Variants in SHB observed in about 807,000 individuals in gnomAD.
SHB encodes the protein SH2 domain-containing adapter protein B.
In SHB, 20 loss-of-function variants were observed where a neutral mutation model predicts 52.3. The observed-to-expected ratio is 0.38, with a 90% CI of 0.27 to 0.56. The LOEUF (loss-of-function observed/expected upper bound fraction) is 0.56, where lower values mean the gene tolerates loss of function less well. Ranked by LOEUF, SHB falls within the 20% of genes least tolerant of loss-of-function variation. The probability of loss-of-function intolerance (pLI) is 0.71; values close to 1 mark genes in which losing one functional copy is unlikely to be tolerated. For missense variants in SHB, 825 were observed against 723.3 expected (o/e 1.14, Z -1.61); for synonymous variants, 397 against 316.5 (o/e 1.25, Z -2.70).
chr9:38,008,495 C>T lies in SHB; in HGVS notation c.838+7516G>A, dbSNP rs575250097. Reference sequence around the variant, plus strand: ...GACAGACCAGCCAGGGAACTCTGCACAGTCTACGACCAAGCCTGCTACCTG... The same window carrying T: ...GACAGACCAGCCAGGGAACTCTGCATAGTCTACGACCAAGCCTGCTACCTG... On this transcript the variant is annotated intron_variant, in intron 2 of 5. Transcript: ENST00000377707. Among the ~76,000 whole-genome samples the T allele has an allele frequency of 3.9e-5, 6 of 152,372 alleles. No homozygotes were observed. The South Asian group carries it at 1.0e-3, about 26-fold the overall frequency.
chr9:37,978,888 G>C (rs1038236924), intron 2 of SHB, among the ~76,000 whole-genome samples: 24 of 152,364 alleles, frequency 1.6e-4, no homozygotes, highest in African/African-American at 5.3e-4. Context: ...ACATGAAAGA[G>C]AGTAAATATG....
At chr9:37,945,893 T>C (rs953363298) in intron 5 of SHB, among the ~76,000 whole-genome samples, 1 of 152,162 alleles carries the variant, frequency 6.6e-6, no homozygotes, top group African/African-American at 2.4e-5. Context: ...GGGAAGAAAC[T>C]TGGTCACACA....
intron 2 of SHB, among the ~76,000 whole-genome samples, chr9:37,989,924 A>G (rs1221368485): frequency 6.6e-6 from 1 of 152,202 alleles, no homozygotes; most frequent in East Asian, 1.9e-4. Context: ...GCTATTATAG[A>G]TGACACCATC....
chr9:38,022,605 C>T (rs1821294930), intron 1 of SHB, among the ~76,000 whole-genome samples: 1 of 152,130 alleles, frequency 6.6e-6, no homozygotes, highest in African/African-American at 2.4e-5. Flanking sequence ...GCCTGAAGTC[C>T]CAGTCCTCCT....
chr9:38,011,418 T>C (rs1460769971), intron 2 of SHB, among the ~76,000 whole-genome samples: 5 of 152,000 alleles, frequency 3.3e-5, no homozygotes, highest in Non-Finnish European at 4.4e-5. Context: ...AAAGGGGAAA[T>C]AGGACTGAAC....
intron 1 of SHB, among the ~76,000 whole-genome samples, chr9:38,016,793 C>T (rs938154108): frequency 6.6e-6 from 1 of 152,226 alleles, no homozygotes; most frequent in African/African-American, 2.4e-5. Flanking sequence ...CTCGACAACA[C>T]ATGGGTAAAC....
chr9:37,967,587 C>T (rs1820541133), intron 3 of SHB, among the ~76,000 whole-genome samples: 1 of 152,228 alleles, frequency 6.6e-6, no homozygotes, highest in Non-Finnish European at 1.5e-5. Flanking sequence ...TCTATCCCAA[C>T]CCCACACCTA....
rs754867738 is a variant in SHB, at chr9:38,068,177, C to T, written c.469G>A (p.Gly157Ser). The part of the protein sequence containing the change: ...GAAASSSSSS[G>S]SPHLYRSSSE... ...CTGCTGCGGTAGAGATGCGGAGAGCCGGAGGACGAGGACGAGGACGCGGCG... is the reference window on the plus strand; with the variant it reads ...CTGCTGCGGTAGAGATGCGGAGAGCTGGAGGACGAGGACGAGGACGCGGCG... Residue 157 changes from glycine (G) to serine (S), a missense_variant, in exon 1 of 6, where the codon GGC (glycine) becomes AGC (serine). Gly to Ser is a moderately conservative substitution (Grantham distance 56). Coordinates refer to ENST00000377707, the MANE Select transcript of SHB (RefSeq NM_003028.3). 37 of 1,430,368 alleles carry T rather than the reference C, an allele frequency of 2.6e-5. No homozygotes were observed. The highest frequency in any genetic ancestry group is 6.5e-5 in the Admixed American group (2 of 30,558). The allele number at this position is 1,430,368 out of a possible 1,614,324, so 88.6% of individuals were successfully genotyped here.
Position 37,918,129 on chromosome 9 carries a change from T to C in SHB, c.*1692A>G, listed in dbSNP as rs771703161. On this transcript the variant is annotated 3_prime_UTR_variant, in exon 6 of 6. Transcript: ENST00000377707. ...CTGATGACATTCAAACTCGGCCCCTTGTGCTCTGCCCAGGTGGGCCAGGGA... is the reference window on the plus strand; with the variant it reads ...CTGATGACATTCAAACTCGGCCCCTCGTGCTCTGCCCAGGTGGGCCAGGGA... Among the ~76,000 whole-genome samples the C allele has an allele frequency of 6.6e-6, 1 of 152,244 alleles. No homozygotes were observed. Among genetic ancestry groups the C allele is most frequent in the Non-Finnish European group, 1.5e-5 (1 of 68,040 alleles).
chr9:38,025,169 T>A (rs754436835), intron 1 of SHB, among the ~76,000 whole-genome samples: 2 of 152,054 alleles, frequency 1.3e-5, no homozygotes, highest in Non-Finnish European at 2.9e-5. Flanking sequence ...CCCCCCTACC[T>A]CCCCTTACAA....
chr9:38,029,493 T>C (rs1036274406), intron 1 of SHB, among the ~76,000 whole-genome samples: 2 of 152,096 alleles, frequency 1.3e-5, no homozygotes, highest in Non-Finnish European at 2.9e-5. Context: ...ATTTTTTTTT[T>C]TAATTTGTTT....
intron 5 of SHB, among the ~76,000 whole-genome samples, chr9:37,921,689 T>C (rs1832182137): frequency 6.6e-6 from 1 of 152,214 alleles, no homozygotes; most frequent in African/African-American, 2.4e-5. Flanking sequence ...ATCGGAGAAT[T>C]GCCTAGACAC....
chr9:37,991,216 T>C (rs1250961825), intron 2 of SHB, among the ~76,000 whole-genome samples: 2 of 152,106 alleles, frequency 1.3e-5, no homozygotes, highest in African/African-American at 2.4e-5. Context: ...CTAGGACAGA[T>C]GGGGAAACTG....
At chr9:38,013,692 C>T (rs1022697804) in intron 2 of SHB, among the ~76,000 whole-genome samples, 14 of 152,184 alleles carry the variant, frequency 9.2e-5, no homozygotes, top group African/African-American at 1.7e-4. Flanking sequence ...TAGGGAACTC[C>T]GGCTCCATTC....
chr9:37,944,259 A>G (rs912146248), intron 5 of SHB, among the ~76,000 whole-genome samples: 1 of 152,102 alleles, frequency 6.6e-6, no homozygotes, highest in African/African-American at 2.4e-5. Flanking sequence ...CAAGTGCAGA[A>G]AGTTGGGGGG....
intron 5 of SHB, among the ~76,000 whole-genome samples, chr9:37,925,375 TG>T (rs1832236158): frequency 6.6e-6 from 1 of 152,228 alleles, no homozygotes; most frequent in Admixed American, 6.5e-5. Flanking sequence ...TGGGAAGGAC[TG>T]GGGAGCTTCC....
chr9:37,986,830 C>T (rs1268248979), intron 2 of SHB, among the ~76,000 whole-genome samples: 1 of 152,208 alleles, frequency 6.6e-6, no homozygotes, highest in Admixed American at 6.5e-5. Flanking sequence ...AGGGACTTCA[C>T]AGGGCTGCAG....
At chr9:38,064,993 T>C (rs959364228) in intron 1 of SHB, among the ~76,000 whole-genome samples, 15 of 152,242 alleles carry the variant, frequency 9.9e-5, no homozygotes, top group African/African-American at 3.4e-4. Context: ...TGACAGTACA[T>C]GGCCCCAGTT....
At chr9:38,005,780 ATC>A (rs113282979) in intron 2 of SHB, among the ~76,000 whole-genome samples, 10 of 152,114 alleles carry the variant, frequency 6.6e-5, no homozygotes, top group African/African-American at 2.2e-4. Context: ...AAATCACGGA[ATC>A]TCCTCCTTCA....
Sources: allele counts gnomAD v4.1 joint callset (sites outside exome capture counted in the v4.1 genomes callset), GRCh38; gene constraint gnomAD v4.1.1; transcripts MANE v1.5; gene names NCBI Gene and HGNC (gene_info 2026-07-23, HGNC 2026-07-21).